Variants in USP8 observed in about 807,000 individuals in gnomAD.
The protein encoded by USP8 is ubiquitin specific peptidase 8.
Under a neutral mutation model 130.0 loss-of-function variants are expected in USP8, and 27 were observed. The observed-to-expected ratio is 0.21, with a 90% CI of 0.15 to 0.29. The LOEUF is 0.29. Among genes scored for constraint, USP8 ranks in the 10% least tolerant of loss-of-function variants. USP8 has a pLI of 1.00. For synonymous variants in USP8, 392 were observed against 444.1 expected, an observed-to-expected ratio of 0.88 and a Z score of 1.48; for missense variants, 1,029 against 1,312.2, an observed-to-expected ratio of 0.78 and a Z score of 3.33.
intron 10 of USP8, among the ~76,000 whole-genome samples, chr15:50,480,803 G>A (rs551105837): frequency 2.0e-5 from 3 of 152,082 alleles, no homozygotes; most frequent in South Asian, 4.2e-4. Flanking sequence ...TGGCTATAAT[G>A]TGGAGAAACA....
chr15:50,426,187 G>T lies in USP8; in HGVS notation c.-66+1673G>T, dbSNP rs558543544. ...ATCAAAATGACTTTTGGGTAAGACA[G>T]TTGGAAAATAAAGCCAGTACATTAA... On this transcript the variant is annotated intron_variant, in intron 1 of 19. Transcript: ENST00000307179. Among the ~76,000 whole-genome samples, 3 of 152,290 alleles carry T rather than the reference G, an allele frequency of 2.0e-5. No individual in the cohort carries two copies. In the South Asian group the frequency reaches 6.2e-4, roughly 32 times the overall value.
intron 16 of USP8, 39 bp from the exon 17 acceptor site, chr15:50,495,809 T>G: frequency 4.1e-6 from 6 of 1,473,446 alleles, no homozygotes; most frequent in Non-Finnish European, 5.6e-6. Context: ...ATGTTTTCTT[T>G]GAGATATTAA....
intron 7 of USP8, 64 bp from the exon 8 acceptor site, chr15:50,471,569 T>C: frequency 6.4e-7 from 1 of 1,551,266 alleles, no homozygotes; most frequent in Non-Finnish European, 8.7e-7. Context: ...ACTGAGTGTC[T>C]TCTGTTAGTA....
chr15:50,498,315 C>T, intron 18 of USP8: 1 of 270,184 alleles, frequency 3.7e-6, no homozygotes, highest in Non-Finnish European at 6.9e-6. Context: ...TCCTAGAAGA[C>T]TCATGTAGCA....
chr15:50,475,898 C>T (rs1323459475), intron 8 of USP8, among the ~76,000 whole-genome samples: 3 of 151,952 alleles, frequency 2.0e-5, no homozygotes, highest in Admixed American at 6.6e-5. Context: ...CCACCGTGCC[C>T]GACCAATATA....
intron 5 of USP8, among the ~76,000 whole-genome samples, chr15:50,460,977 A>T (rs1364554645): frequency 6.6e-6 from 1 of 151,494 alleles, no homozygotes; most frequent in Non-Finnish European, 1.5e-5. Context: ...GGCAACATGG[A>T]AAAACCCTGT....
chr15:50,426,591 T>C (rs530351912), intron 1 of USP8, among the ~76,000 whole-genome samples: 1 of 152,292 alleles, frequency 6.6e-6, no homozygotes, highest in East Asian at 1.9e-4. Context: ...GCGTTTGATG[T>C]TGGCTAGGAG....
At chr15:50,454,353 T>C (rs893886686) in intron 4 of USP8, among the ~76,000 whole-genome samples, 1 of 152,234 alleles carries the variant, frequency 6.6e-6, no homozygotes, top group African/African-American at 2.4e-5. Flanking sequence ...GATAGACTTT[T>C]TGATTTTGTC....
intron 8 of USP8, among the ~76,000 whole-genome samples, chr15:50,475,559 A>ATACACACACATATATG (rs201406781): frequency 0.012 from 1,754 of 152,166 alleles, 41 homozygotes; most frequent in African/African-American, 0.038. Context: ...ACATGTATAT[A>ATACACACACATATATG]TACACACACA....
At position 50,481,716 on chromosome 15, in the gene USP8, G is replaced by C; in HGVS notation, c.1454G>C (p.Arg485Thr). The C allele has an allele frequency of 6.2e-7, 1 of 1,611,360 alleles. No individual in the cohort carries two copies. Among genetic ancestry groups the C allele is most frequent in the Non-Finnish European group, 8.5e-7 (1 of 1,179,354 alleles). ...AAACAAGAAAAAGAACTTCGGGAAA[G>C]GCAGCAAGAGGAACAGAAAGAGAAA... ...KNKQEKELRE[R>T]QQEEQKEKLR... Residue 485 changes from arginine (R) to threonine (T), a missense_variant, in exon 11 of 20, where the codon AGG (arginine) becomes ACG (threonine). Arg to Thr is a moderately conservative substitution (Grantham distance 71). This residue lies in a region of USP8 where 486 missense variants were observed against 522.0 expected (regional missense o/e 0.93). Coordinates refer to ENST00000307179, the MANE Select transcript of USP8 (RefSeq NM_005154.5).
chr15:50,426,534 G>A (rs1476889255), intron 1 of USP8, among the ~76,000 whole-genome samples: 1 of 152,168 alleles, frequency 6.6e-6, no homozygotes, highest in Non-Finnish European at 1.5e-5. Flanking sequence ...GGAGTCAACC[G>A]AGAGCTCAGC....
At position 50,500,793 on chromosome 15, in the gene USP8, G is replaced by A; in HGVS notation, c.*1705G>A. 3 of 1,590,386 alleles carry A rather than the reference G, an allele frequency of 1.9e-6. No individual in the cohort carries two copies. Among genetic ancestry groups the A allele is most frequent in the East Asian group, 2.3e-5 (1 of 44,166 alleles). On this transcript the variant is annotated 3_prime_UTR_variant, in exon 20 of 20. Coordinates refer to ENST00000307179, the MANE Select transcript of USP8 (RefSeq NM_005154.5). ...ATCAGGCCTGGGTGACTGAATTCTTGCAGAAAGCAGTGTAGTGGCCACCAT... is the reference window on the plus strand; with the variant it reads ...ATCAGGCCTGGGTGACTGAATTCTTACAGAAAGCAGTGTAGTGGCCACCAT...
chr15:50,481,956 A>G lies in USP8; in HGVS notation c.1694A>G (p.Lys565Arg), dbSNP rs1285212102. The G allele has an allele frequency of 1.2e-6, 2 of 1,606,402 alleles. No individual in the cohort carries two copies. The highest frequency in any genetic ancestry group is 1.7e-5 in the Admixed American group (1 of 57,362). ...AGTGAACATGAAACTTCTGATGCCA[A>G]GAAATCTGTAGAAGATAGGGGGAAA... ...SKSEHETSDA[K>R]KSVEDRGKRC... is the part of the protein sequence containing the mutation. The change falls in exon 11 of 20, where the codon AAG becomes AGG. Residue 565 changes from lysine to arginine, a missense_variant. Around this residue, in one of 4 missense-constraint regions of USP8, gnomAD observed 486 missense variants for 522.0 expected, o/e 0.93. Coordinates refer to ENST00000307179, the MANE Select transcript of USP8 (RefSeq NM_005154.5).
intron 1 of USP8, among the ~76,000 whole-genome samples, chr15:50,436,522 G>A (rs577645140): frequency 6.6e-5 from 10 of 151,984 alleles, no homozygotes; most frequent in African/African-American, 9.6e-5. Flanking sequence ...TTTTTGAGAC[G>A]GAATCTCACT....
intron 16 of USP8, among the ~76,000 whole-genome samples, chr15:50,495,189 GATATAT>G (rs147090227): frequency 1.4e-5 from 2 of 146,710 alleles, no homozygotes; most frequent in African/African-American, 5.0e-5. Flanking sequence ...CCACTGAACA[GATATAT>G]ATATATATAC....
At chr15:50,463,671 C>T (rs189850719) in intron 6 of USP8, among the ~76,000 whole-genome samples, 2 of 152,062 alleles carry the variant, frequency 1.3e-5, no homozygotes, top group Non-Finnish European at 2.9e-5. Flanking sequence ...TTGTTAACAA[C>T]TTTTTTAGTC....
intron 4 of USP8, among the ~76,000 whole-genome samples, chr15:50,452,403 A>G (rs898655602): frequency 2.0e-5 from 3 of 152,216 alleles, no homozygotes; most frequent in African/African-American, 7.2e-5. Context: ...GGAAAGTAGG[A>G]GAGACATCAG....
chr15:50,445,934 A>G (rs1567607368), intron 3 of USP8, among the ~76,000 whole-genome samples: 1 of 152,118 alleles, frequency 6.6e-6, no homozygotes, highest in Non-Finnish European at 1.5e-5. Flanking sequence ...AGGACACTAC[A>G]TTTTATTACT....
At chr15:50,460,739 T>C (rs1244591262) in intron 5 of USP8, among the ~76,000 whole-genome samples, 1 of 152,206 alleles carries the variant, frequency 6.6e-6, no homozygotes, top group African/African-American at 2.4e-5. Context: ...CTTTACCTCC[T>C]CAGAAACTAC....
Sources: gnomAD v4.1 joint callset for allele counts (sites outside exome capture counted in the v4.1 genomes callset) on GRCh38, gnomAD v4.1.1 for gene constraint, gnomAD v4.1.1 regional missense constraint, MANE v1.5 for transcripts, NCBI Gene and HGNC (gene_info 2026-07-23, HGNC 2026-07-21) for gene names.